The following GCNT2 variants were observed in gnomAD, a reference collection of about 807,000 sequenced individuals.
GCNT2 encodes glucosaminyl (N-acetyl) transferase 2 (I blood group).
Under a neutral mutation model 34.2 loss-of-function variants are expected in GCNT2, and 34 were observed. The observed-to-expected ratio is 1.00, with a 90% CI of 0.76 to 1.32. GCNT2 has a LOEUF of 1.32. GCNT2 is among the 40% of genes most tolerant of loss of function. The pLI is 0.00. For missense variants in GCNT2, 584 were observed against 489.4 expected (o/e 1.19, Z -1.82); for synonymous variants, 212 against 188.0 (o/e 1.13, Z -1.04).
chr6:10,569,855 CTTTCTCTT>C (rs1561807334), intron 3 of GCNT2, among the ~76,000 whole-genome samples: 60 of 146,012 alleles, frequency 4.1e-4, no homozygotes, highest in African/African-American at 1.4e-3. Context: ...CTTTCTCTTT[CTTTCTCTT>C]TCTTTCTTTC....
intron 4 of GCNT2, among the ~76,000 whole-genome samples, chr6:10,622,361 G>A (rs116017762): frequency 1.3e-4 from 20 of 151,922 alleles, no homozygotes; most frequent in African/African-American, 4.8e-4. Flanking sequence ...GTGTCAGCAG[G>A]GCTGGTTTAT....
chr6:10,572,576 C>A lies in GCNT2; in HGVS notation c.925+42740C>A, dbSNP rs147555438. Among the ~76,000 whole-genome samples, 589 of 151,650 alleles carry A rather than the reference C, an allele frequency of 3.9e-3. 3 individuals carry two copies. The highest frequency in any genetic ancestry group is 0.013 in the African/African-American group (548 of 41,406). ...TGAAATCCCATCTCTACTAAAAATA[C>A]AAAAAAAATTAGCCGGACCTAGTGG... On this transcript the variant is annotated intron_variant, in intron 3 of 4. Transcript: ENST00000495262.
At chr6:10,620,819 A>C (rs555516614) in intron 3 of GCNT2, among the ~76,000 whole-genome samples, 1 of 152,358 alleles carries the variant, frequency 6.6e-6, no homozygotes, top group South Asian at 2.1e-4. Context: ...AGTGTTTCTC[A>C]AATGGGGTGA....
At chr6:10,557,661 A>G (rs1314024825) in intron 3 of GCNT2, among the ~76,000 whole-genome samples, 1 of 151,844 alleles carries the variant, frequency 6.6e-6, no homozygotes, top group Admixed American at 6.6e-5. Flanking sequence ...CTAATTTTTA[A>G]AAAAAATTTT....
chr6:10,603,581 T>A (rs1765169534), intron 3 of GCNT2, among the ~76,000 whole-genome samples: 1 of 152,154 alleles, frequency 6.6e-6, no homozygotes, highest in Non-Finnish European at 1.5e-5. Context: ...AGTGGTGCAA[T>A]CTCAGCTCAC....
chr6:10,585,977 G>A (rs764340798), intron 3 of GCNT2: 41 of 1,613,454 alleles, frequency 2.5e-5, no homozygotes, highest in Admixed American at 2.5e-4. Context: ...GTTTCCCCAG[G>A]GAAGTGAAAA....
intron 3 of GCNT2, among the ~76,000 whole-genome samples, chr6:10,620,049 C>T (rs1765964813): frequency 6.6e-6 from 1 of 152,224 alleles, no homozygotes. Flanking sequence ...GATAACCTCC[C>T]TATTTTAAGG....
intron 1 of GCNT2, among the ~76,000 whole-genome samples, chr6:10,525,674 T>G (rs1561774335): frequency 6.6e-6 from 1 of 152,338 alleles, no homozygotes; most frequent in African/African-American, 2.4e-5. Context: ...TTGTCAAAGA[T>G]ACTATTTTAC....
chr6:10,526,622 T>G (rs1442240872), intron 1 of GCNT2, among the ~76,000 whole-genome samples: 1 of 152,180 alleles, frequency 6.6e-6, no homozygotes, highest in Non-Finnish European at 1.5e-5. Context: ...TAGGCAGGTC[T>G]CAAACTCCTG....
chr6:10,529,047 G>A lies in GCNT2; in HGVS notation c.136G>A (p.Ala46Thr). 6.2e-7 allele frequency: 1 copy of A among 1,614,140 alleles called. No individual in the cohort carries two copies. Among genetic ancestry groups the A allele is most frequent in the Non-Finnish European group, 8.5e-7 (1 of 1,179,990 alleles). ...RAALSNASLL[A>T]EACHQIFEGK... ...AGCTCTGTCCAATGCTTCACTGTTAGCAGAAGCCTGTCATCAGATTTTTGA... is the reference window on the plus strand; with the variant it reads ...AGCTCTGTCCAATGCTTCACTGTTAACAGAAGCCTGTCATCAGATTTTTGA... Residue 46 changes from alanine (A) to threonine (T), a missense_variant, in exon 3 of 5, where the codon GCA (alanine) becomes ACA (threonine). Coordinates refer to ENST00000495262, the MANE Select transcript of GCNT2 (RefSeq NM_145649.5).
At chr6:10,620,629 C>T (rs1765992808) in intron 3 of GCNT2, among the ~76,000 whole-genome samples, 1 of 152,072 alleles carries the variant, frequency 6.6e-6, no homozygotes, top group Non-Finnish European at 1.5e-5. Context: ...GATCTTCTTA[C>T]CTCGGCCTCC....
At chr6:10,558,578 G>A (rs1762829408) in intron 3 of GCNT2, among the ~76,000 whole-genome samples, 1 of 152,130 alleles carries the variant, frequency 6.6e-6, no homozygotes, top group Non-Finnish European at 1.5e-5. Context: ...GCGTGCTTTG[G>A]ACTCAATGAA....
chr6:10,564,679 T>A (rs1400946117), intron 3 of GCNT2, among the ~76,000 whole-genome samples: 1 of 152,250 alleles, frequency 6.6e-6, no homozygotes, highest in Non-Finnish European at 1.5e-5. Context: ...ACCTGACTTT[T>A]GTGTCTCAGT....
intron 3 of GCNT2, among the ~76,000 whole-genome samples, chr6:10,544,936 ACT>A (rs902403082): frequency 1.5e-4 from 22 of 147,170 alleles, no homozygotes; most frequent in Admixed American, 8.0e-4. Context: ...CAGAGCAAAA[ACT>A]CTGTCTCAAA....
At chr6:10,595,734 G>A (rs1042189188) in intron 3 of GCNT2, among the ~76,000 whole-genome samples, 4 of 152,108 alleles carry the variant, frequency 2.6e-5, no homozygotes, top group African/African-American at 9.7e-5. Flanking sequence ...TGACTGGCTT[G>A]GCCACATCTT....
At chr6:10,577,062 A>T (rs1763852961) in intron 3 of GCNT2, among the ~76,000 whole-genome samples, 1 of 152,228 alleles carries the variant, frequency 6.6e-6, no homozygotes, top group Non-Finnish European at 1.5e-5. Flanking sequence ...TGGGTGATAG[A>T]GCGAGATCTC....
At chr6:10,604,687 C>G (rs977296310) in intron 3 of GCNT2, among the ~76,000 whole-genome samples, 3 of 151,816 alleles carry the variant, frequency 2.0e-5, no homozygotes, top group Non-Finnish European at 4.4e-5. Context: ...ATGGTGAAAC[C>G]CCATTTCTAC....
intron 3 of GCNT2, among the ~76,000 whole-genome samples, chr6:10,583,973 G>C (rs1764229092): frequency 6.6e-6 from 1 of 152,154 alleles, no homozygotes; most frequent in Non-Finnish European, 1.5e-5. Context: ...GGTATTTCTT[G>C]CAAGGTGGAG....
Position 10,621,424 on chromosome 6 carries a change from CAG to C in GCNT2, c.1001_1002del (p.Arg334ThrfsTer25). The part of the protein sequence containing the change: ...RAIKWSDMED[R>X]HGGCHGHYVH... ...CTATAAAGTGGAGTGACATGGAAGA[CAG>C]ACACGGAGGCTGCCACGGTGAGGCT... On this transcript the variant is annotated frameshift_variant, in exon 4 of 5. Coordinates refer to ENST00000495262, the MANE Select transcript of GCNT2 (RefSeq NM_145649.5). LOFTEE classifies it high-confidence loss of function. 1 of 1,611,996 alleles carries C rather than the reference CAG, an allele frequency of 6.2e-7. No homozygotes were observed. Among genetic ancestry groups the C allele is most frequent in the Non-Finnish European group, 8.5e-7 (1 of 1,178,138 alleles).
Sources: gnomAD v4.1 joint callset for allele counts (sites outside exome capture counted in the v4.1 genomes callset) on GRCh38, gnomAD v4.1.1 for gene constraint, MANE v1.5 for transcripts, NCBI Gene and HGNC (gene_info 2026-07-23, HGNC 2026-07-21) for gene names.